DIP2B: variants seen among roughly 807,000 people sequenced by gnomAD.
The protein encoded by DIP2B is DIP2 acetate--CoA ligase B (putative).
DIP2B carries 76 observed loss-of-function variants against 198.0 expected under a neutral mutation model. The observed-to-expected ratio is 0.38, with a 90% CI of 0.32 to 0.46. DIP2B has a LOEUF of 0.46. Ranked by LOEUF, DIP2B falls within the 20% of genes least tolerant of loss-of-function variation. The probability of loss-of-function intolerance (pLI) is 0.99; values close to 1 mark genes in which losing one functional copy is unlikely to be tolerated. For synonymous variants in DIP2B, 701 were observed against 739.1 expected (o/e 0.95, Z 0.84); for missense variants, 1,559 against 1,978.4 (o/e 0.79, Z 4.02).
rs747517794 is a variant in DIP2B, at chr12:50,678,871, C to T, written c.1109C>T (p.Thr370Ile). Residue 370 changes from threonine (T) to isoleucine (I), a missense_variant, in exon 8 of 38, where the codon ACA becomes ATA. By Grantham distance (89) the Thr-to-Ile change is moderately conservative. Coordinates refer to ENST00000301180, the MANE Select transcript of DIP2B (RefSeq NM_173602.3). ...DMTGKPVYTL[T>I]YGKLWSRSLK... ...ACAGGGAAACCAGTTTACACTCTTA[C>T]ATATGGTGAGTCTGCAAGATTCCAG... 2.5e-6 allele frequency: 4 copies of T among 1,614,096 alleles called. No homozygotes were observed. In the Admixed American group the frequency reaches 5.0e-5, roughly 20 times the overall value.
intron 34 of DIP2B, 32 bp from the exon 35 acceptor site, chr12:50,737,004 C>G (rs764101061): frequency 6.2e-7 from 1 of 1,605,002 alleles, no homozygotes; most frequent in East Asian, 2.2e-5. Context: ...TTTCACTGAA[C>G]TCAATCTTTG....
At chr12:50,657,093 T>TA (rs1453048252) in intron 3 of DIP2B, 1 of 151,754 alleles carries the variant, frequency 6.6e-6, no homozygotes, top group African/African-American at 2.4e-5. Context: ...AAATATTTTT[T>TA]AAAAAAATGG....
At chr12:50,568,068 G>A (rs1040038454) in intron 1 of DIP2B, among the ~76,000 whole-genome samples, 1 of 152,068 alleles carries the variant, frequency 6.6e-6, no homozygotes, top group Admixed American at 6.5e-5. Flanking sequence ...CAGATCTCGA[G>A]TTTGTTCTCA....
chr12:50,657,002 A>G (rs943461534), intron 3 of DIP2B: 4 of 152,164 alleles, frequency 2.6e-5, no homozygotes. Flanking sequence ...ATATACTAAA[A>G]TTGGAACGAT....
At chr12:50,714,619 C>T in intron 23 of DIP2B, 23 bp downstream of exon 23, 1 of 1,613,278 alleles carries the variant, frequency 6.2e-7, no homozygotes, top group Non-Finnish European at 8.5e-7. Flanking sequence ...CTTCCAAGAC[C>T]TGGCACTAAA....
chr12:50,619,037 C>A (rs568633021), intron 1 of DIP2B, among the ~76,000 whole-genome samples: 1 of 152,116 alleles, frequency 6.6e-6, no homozygotes, highest in Non-Finnish European at 1.5e-5. Context: ...CCAAAGTCCC[C>A]CCACCCTCTA....
intron 35 of DIP2B, among the ~76,000 whole-genome samples, chr12:50,738,137 C>G (rs1449493757): frequency 6.6e-6 from 1 of 151,784 alleles, no homozygotes; most frequent in East Asian, 1.9e-4. Flanking sequence ...GTCAAGAGAT[C>G]GAGACCATCC....
intron 28 of DIP2B, among the ~76,000 whole-genome samples, chr12:50,725,353 T>C (rs1939912717): frequency 6.6e-6 from 1 of 152,184 alleles, no homozygotes; most frequent in African/African-American, 2.4e-5. Context: ...CTGCCTGACT[T>C]GAATATTTAT....
intron 22 of DIP2B, among the ~76,000 whole-genome samples, chr12:50,709,761 A>G (rs879722359): frequency 2.6e-5 from 4 of 152,096 alleles, no homozygotes; most frequent in Admixed American, 1.3e-4. Flanking sequence ...TGATCATGCC[A>G]CTACAGTTCA....
rs540321810 is a variant in DIP2B, at chr12:50,511,896, C to T, written c.100+6656C>T. On this transcript the variant is annotated intron_variant, in intron 1 of 37. Coordinates refer to ENST00000301180, the MANE Select transcript of DIP2B (RefSeq NM_173602.3). ...TCAGGAGGCAGATGTTGCAGTGAGCCGAGATCGCGTCACTGCACTCCAGCC... is the reference window on the plus strand; with the variant it reads ...TCAGGAGGCAGATGTTGCAGTGAGCTGAGATCGCGTCACTGCACTCCAGCC... Among the ~76,000 whole-genome samples, 218 of 133,858 alleles carry T rather than the reference C, an allele frequency of 1.6e-3. 1 individual carries two copies. Among genetic ancestry groups the T allele is most frequent in the African/African-American group, 5.6e-3 (200 of 35,618 alleles). The allele number at this position is 133,858 out of a possible 152,430, so 87.8% of individuals were successfully genotyped here. A position where few individuals can be genotyped will look rare whatever the true frequency, so the allele number is the denominator to read the frequency against.
intron 3 of DIP2B, among the ~76,000 whole-genome samples, chr12:50,645,267 A>G (rs898133148): frequency 1.3e-5 from 2 of 152,202 alleles, no homozygotes; most frequent in African/African-American, 4.8e-5. Context: ...CAGAAATTCT[A>G]CTTCTAGGAA....
At chr12:50,732,128 A>T (rs1036478518) in intron 31 of DIP2B, among the ~76,000 whole-genome samples, 1 of 152,212 alleles carries the variant, frequency 6.6e-6, no homozygotes, top group South Asian at 2.1e-4. Context: ...AGAGCCTTAG[A>T]TTTTTAGAAG....
rs34202995 is a variant in DIP2B at position 50,537,114 on chromosome 12, A to ATTTTTTTTTTTTTTTTTTTTTTTTT, written c.100+31877_100+31901dup. Among the ~76,000 whole-genome samples the ATTTTTTTTTTTTTTTTTTTTTTTTT allele has an allele frequency of 1.4e-3, 44 of 32,226 alleles. 12 individuals are homozygous for ATTTTTTTTTTTTTTTTTTTTTTTTT. Among genetic ancestry groups the ATTTTTTTTTTTTTTTTTTTTTTTTT allele is most frequent in the Middle Eastern group, 0.038 (1 of 26 alleles). The allele number at this position is 32,226 out of a possible 152,430, so 21.1% of individuals were successfully genotyped here. A position where few individuals can be genotyped will look rare whatever the true frequency, so the allele number is the denominator to read the frequency against. On this transcript the variant is annotated intron_variant, in intron 1 of 37. Coordinates refer to ENST00000301180, the MANE Select transcript of DIP2B (RefSeq NM_173602.3). ...CAGATTGCTTGTTTATTATTCTCTAATTTTTTTTTTTTTTTTTTTTTTTTT... is the reference window on the plus strand; with the variant it reads ...CAGATTGCTTGTTTATTATTCTCTAATTTTTTTTTTTTTTTTTTTTTTTTTTTTTTTTTTTTTTTTTTTTTTTTTT...
chr12:50,721,478 T>TA, intron 26 of DIP2B, 82 bp downstream of exon 26: 1 of 1,573,084 alleles, frequency 6.4e-7, no homozygotes, highest in Non-Finnish European at 8.6e-7. Context: ...CACTCAGAGC[T>TA]ACTCTCTATG....
chr12:50,661,130 A>C (rs565005321), intron 4 of DIP2B, among the ~76,000 whole-genome samples: 1 of 152,238 alleles, frequency 6.6e-6, no homozygotes, highest in Admixed American at 6.5e-5. Context: ...GCTCGAAAAA[A>C]ATTTTTTTTA....
chr12:50,511,205 A>G (rs1222666842), intron 1 of DIP2B, among the ~76,000 whole-genome samples: 2 of 151,456 alleles, frequency 1.3e-5, no homozygotes, highest in African/African-American at 2.4e-5. Flanking sequence ...TGTCCTCGCA[A>G]AGTGCTGGGA....
rs142507514 is a variant in DIP2B at position 50,631,620 on chromosome 12, A to G, written c.172+5573A>G. ...GCTAATTTTCGTATTTTTAGTAGAGACAGAGTTTCACCATATTGCCCAGGT... is the reference window on the plus strand; with the variant it reads ...GCTAATTTTCGTATTTTTAGTAGAGGCAGAGTTTCACCATATTGCCCAGGT... On this transcript the variant is annotated intron_variant, in intron 2 of 37. Transcript: ENST00000301180. Among the ~76,000 whole-genome samples the G allele has an allele frequency of 6.6e-3, 1,002 of 152,100 alleles. 11 individuals are homozygous for G. The highest frequency in any genetic ancestry group is 0.022 in the African/African-American group (922 of 41,450).
chr12:50,731,252 C>T, intron 30 of DIP2B, 117 bp from the exon 31 acceptor site: 1 of 1,223,584 alleles, frequency 8.2e-7, no homozygotes. Flanking sequence ...CTTTATATCT[C>T]ATATGTCCCT....
chr12:50,536,271 G>GCATGCATACATACATA (rs1555182426), intron 1 of DIP2B, among the ~76,000 whole-genome samples: 6 of 147,972 alleles, frequency 4.1e-5, no homozygotes, highest in South Asian at 2.2e-4. Flanking sequence ...CTAAATACGT[G>GCATGCATACATACATA]CATACATACA....
Sources: gnomAD v4.1 joint callset for allele counts (sites outside exome capture counted in the v4.1 genomes callset) on GRCh38, gnomAD v4.1.1 for gene constraint, MANE v1.5 for transcripts, NCBI Gene and HGNC (gene_info 2026-07-23, HGNC 2026-07-21) for gene names.